Variants in THSD4 observed in about 807,000 individuals in gnomAD.
THSD4 encodes the protein thrombospondin type 1 domain containing 4.
A neutral mutation model predicts 119.0 loss-of-function variants in THSD4; 69 were observed. The ratio of observed to expected loss-of-function variants is 0.58; its 90% CI spans 0.48 to 0.71. The LOEUF is 0.71. Ranked by LOEUF, THSD4 falls within the 30% of genes least tolerant of loss-of-function variation. The probability of loss-of-function intolerance (pLI) is 0.00; values close to 1 mark genes in which losing one functional copy is unlikely to be tolerated. For synonymous variants in THSD4, 524 were observed against 540.4 expected, an observed-to-expected ratio of 0.97 and a Z score of 0.42; for missense variants, 1,393 against 1,391.1, an observed-to-expected ratio of 1.00 and a Z score of -0.02.
At chr15:71,111,411 C>T, upstream of THSD4, 1 of 1,608,518 alleles carries the variant, frequency 6.2e-7, no homozygotes, top group Non-Finnish European at 8.5e-7. Context: ...GACTGTAGGT[C>T]AGCATTCCAG....
In THSD4 at chr15:71,661,910, G is replaced by T. The variant is rs555371892; in HGVS notation, c.1357+1176G>T. Among the ~76,000 whole-genome samples the T allele has an allele frequency of 5.1e-4, 77 of 152,288 alleles. 1 individual carries two copies. Among genetic ancestry groups the T allele is most frequent in the African/African-American group, 1.8e-3 (74 of 41,566 alleles). Reference sequence around the variant, plus strand: ...CTTTGAATTCTCTCAACAGGGAAAAGAAGCTATTCCCATCCCCACTTTACA... The same window carrying T: ...CTTTGAATTCTCTCAACAGGGAAAATAAGCTATTCCCATCCCCACTTTACA... On this transcript the variant is annotated intron_variant, in intron 8 of 17. Transcript: ENST00000261862.
chr15:71,524,216 G>C (rs1303094363), intron 7 of THSD4, among the ~76,000 whole-genome samples: 1 of 152,058 alleles, frequency 6.6e-6, no homozygotes, highest in Admixed American at 6.5e-5. Flanking sequence ...TTGTTTCCAA[G>C]ACCCCTGCCA....
chr15:71,254,872 C>G (rs2140286550), intron 5 of THSD4, among the ~76,000 whole-genome samples: 1 of 152,316 alleles, frequency 6.6e-6, no homozygotes, highest in Middle Eastern at 3.4e-3. Flanking sequence ...CTTGTTCACC[C>G]TGCCTGTTTT....
chr15:71,347,163 C>T (rs940649766), intron 6 of THSD4, among the ~76,000 whole-genome samples: 3 of 152,120 alleles, frequency 2.0e-5, no homozygotes, highest in South Asian at 2.1e-4. Flanking sequence ...TGTGAGCCAC[C>T]GTGCCCGGCT....
chr15:71,123,374 CT>C (rs2040423885), intron 1 of THSD4, among the ~76,000 whole-genome samples: 1 of 152,198 alleles, frequency 6.6e-6, no homozygotes, highest in African/African-American at 2.4e-5. Flanking sequence ...AGATTAATCT[CT>C]TTAAGCTTCA....
At chr15:71,373,934 T>C (rs2046095947) in intron 6 of THSD4, among the ~76,000 whole-genome samples, 1 of 152,212 alleles carries the variant, frequency 6.6e-6, no homozygotes, top group African/African-American at 2.4e-5. Flanking sequence ...TGAAACTGCT[T>C]GTCTGCAATC....
chr15:71,153,099 T>C (rs1443077520), intron 2 of THSD4, among the ~76,000 whole-genome samples: 2 of 152,138 alleles, frequency 1.3e-5, no homozygotes, highest in Non-Finnish European at 2.9e-5. Context: ...CTTTAGATGT[T>C]TTTCAGAGGA....
At chr15:71,605,952 C>G (rs1040503333) in intron 7 of THSD4, among the ~76,000 whole-genome samples, 1 of 152,124 alleles carries the variant, frequency 6.6e-6, no homozygotes, top group South Asian at 2.1e-4. Flanking sequence ...ACAAAACCAA[C>G]GGAGTGAGCT....
intron 4 of THSD4, among the ~76,000 whole-genome samples, chr15:71,239,287 C>T (rs1343015668): frequency 6.6e-6 from 1 of 152,188 alleles, no homozygotes; most frequent in Non-Finnish European, 1.5e-5. Context: ...AGACATTACT[C>T]TCAGGTTCCT....
In THSD4 at chr15:71,158,652, G is replaced by GTT. The variant is rs368806299; in HGVS notation, c.99+3731_99+3732dup. ...CCTATTTAATCAGATTGTTGAGTTGGTTTTTTTTTTTTGATGTTGAGTTAT... is the reference window on the plus strand; with the variant it reads ...CCTATTTAATCAGATTGTTGAGTTGGTTTTTTTTTTTTTTGATGTTGAGTTAT... On this transcript the variant is annotated intron_variant, in intron 3 of 17. Coordinates refer to ENST00000261862, the MANE Select transcript of THSD4 (RefSeq NM_024817.3). Among the ~76,000 whole-genome samples the GTT allele has an allele frequency of 8.3e-3, 1,181 of 142,968 alleles. 14 individuals are homozygous for GTT. The highest frequency in any genetic ancestry group is 0.029 in the African/African-American group (1,143 of 39,682). 93.8% of individuals were successfully genotyped at this position (142,968 alleles called of 152,430 possible).
chr15:71,599,384 A>G (rs1178613672), intron 7 of THSD4, among the ~76,000 whole-genome samples: 1 of 151,894 alleles, frequency 6.6e-6, no homozygotes, highest in Non-Finnish European at 1.5e-5. Context: ...CTGTCTAACT[A>G]TTTTTTCACA....
rs145525651 is a variant in THSD4, at chr15:71,427,054, C to T, written c.1152+15231C>T. ...CCTTAAACTGAAACCTAACATAAAA[C>T]TGATGAAATTTATTTTGTTACATGT... On this transcript the variant is annotated intron_variant, in intron 7 of 17. Coordinates refer to ENST00000261862, the MANE Select transcript of THSD4 (RefSeq NM_024817.3). 3.9e-5 allele frequency among the ~76,000 whole-genome samples: 6 copies of T among 152,162 alleles called. No homozygotes were observed. In the South Asian group the frequency reaches 6.2e-4, roughly 16 times the overall value.
At chr15:71,563,925 T>C (rs2049174757) in intron 7 of THSD4, among the ~76,000 whole-genome samples, 1 of 152,118 alleles carries the variant, frequency 6.6e-6, no homozygotes, top group Non-Finnish European at 1.5e-5. Flanking sequence ...CTGACTTGTT[T>C]TGGGGGTGTG....
rs1463567242 is a variant in THSD4 at position 71,767,249 on chromosome 15, T to C, written c.2769+2050T>C. On this transcript the variant is annotated intron_variant, in intron 16 of 17. Transcript: ENST00000261862. ...TTGAGTTTGGAACTAAGTAAATATT[T>C]TAGATAATCATAAAAGAAAATTAAG... 9 of 152,198 alleles carry C rather than the reference T, an allele frequency of 5.9e-5. No individual in the cohort carries two copies. The East Asian group carries it at 1.7e-3, about 29-fold the overall frequency. 9.4% of individuals were successfully genotyped at this position (152,198 alleles called of 1,614,324 possible).
chr15:71,747,174 A>C, intron 13 of THSD4, 132 bp downstream of exon 13: 2 of 1,090,348 alleles, frequency 1.8e-6, no homozygotes, highest in Non-Finnish European at 2.6e-6. Flanking sequence ...GGGGGTCTGG[A>C]CGGCTGTTTT....
intron 7 of THSD4, among the ~76,000 whole-genome samples, chr15:71,554,552 C>T: frequency 6.6e-6 from 1 of 152,116 alleles, no homozygotes; most frequent in East Asian, 1.9e-4. Flanking sequence ...CCATGCCTGG[C>T]TAATTTTTTA....
intron 7 of THSD4, among the ~76,000 whole-genome samples, chr15:71,533,677 G>A (rs150429083): frequency 3.3e-5 from 5 of 152,238 alleles, no homozygotes; most frequent in Non-Finnish European, 7.4e-5. Flanking sequence ...GATATTGCCT[G>A]CTTAGAGCAG....
At chr15:71,183,723 T>TCTATTGTCATAGGTA (rs11268098) in intron 3 of THSD4, among the ~76,000 whole-genome samples, 5 of 151,202 alleles carry the variant, frequency 3.3e-5, no homozygotes, top group Non-Finnish European at 7.4e-5. Flanking sequence ...GTACTTTCCT[T>TCTATTGTCATAGGTA]CTATCTACCC....
At chr15:71,628,199 G>T (rs2140939190) in intron 7 of THSD4, among the ~76,000 whole-genome samples, 1 of 152,276 alleles carries the variant, frequency 6.6e-6, no homozygotes, top group Middle Eastern at 3.4e-3. Flanking sequence ...GAAAAGGAGA[G>T]AGCTTTGAAA....
Sources: gnomAD v4.1 joint callset for allele counts (sites outside exome capture counted in the v4.1 genomes callset) on GRCh38, gnomAD v4.1.1 for gene constraint, MANE v1.5 for transcripts, NCBI Gene and HGNC (gene_info 2026-07-23, HGNC 2026-07-21) for gene names.